Variants in TMEM272 observed in about 807,000 individuals in gnomAD.
TMEM272 encodes long intergenic non-protein coding RNA 282.
Under a neutral mutation model 3.7 loss-of-function variants are expected in TMEM272, and 8 were observed. The ratio of observed to expected loss-of-function variants is 2.17; its 90% CI spans 1.27 to 3.91. TMEM272 has a LOEUF of 3.91. Among genes scored for constraint, TMEM272 ranks in the 30% most tolerant of loss-of-function variants. The pLI is 0.00. For synonymous variants in TMEM272, 63 were observed against 39.8 expected (o/e 1.58, Z -2.20); for missense variants, 166 against 91.5 (o/e 1.81, Z -3.32).
chr13:51,857,505 G>T, the TMEM272 span, among the ~76,000 whole-genome samples: 2 of 152,022 alleles, frequency 1.3e-5, no homozygotes, highest in Admixed American at 1.3e-4. Context: ...AAGGTAGAAG[G>T]GGTATAAGTG....
chr13:51,841,815 A>G (rs190887159), intron 1 of TMEM272, among the ~76,000 whole-genome samples: 3 of 152,304 alleles, frequency 2.0e-5, no homozygotes. Flanking sequence ...TGTTATTTTC[A>G]TAAACTGGCA....
chr13:51,851,790 T>C, the TMEM272 span, among the ~76,000 whole-genome samples: 1 of 152,240 alleles, frequency 6.6e-6, no homozygotes, highest in Non-Finnish European at 1.5e-5. Flanking sequence ...CCCAAAGTGC[T>C]GGGATTACAG....
At chr13:51,914,683 G>A in the TMEM272 span, among the ~76,000 whole-genome samples, 2 of 152,230 alleles carry the variant, frequency 1.3e-5, no homozygotes, top group Admixed American at 6.5e-5. Context: ...GCCATAGAGT[G>A]CATTAGCTGA....
At chr13:51,892,784 G>A in the TMEM272 span, among the ~76,000 whole-genome samples, 1 of 152,042 alleles carries the variant, frequency 6.6e-6, no homozygotes, top group Non-Finnish European at 1.5e-5. Context: ...ACAGTTCCTG[G>A]GTCTGGTGGC....
chr13:51,907,506 G>A, the TMEM272 span, among the ~76,000 whole-genome samples: 1 of 152,140 alleles, frequency 6.6e-6, no homozygotes, highest in Non-Finnish European at 1.5e-5. Flanking sequence ...CCAAGGCCAG[G>A]TACCAGACAA....
At chr13:51,860,473 T>C in the TMEM272 span, among the ~76,000 whole-genome samples, 1 of 151,512 alleles carries the variant, frequency 6.6e-6, no homozygotes, top group Non-Finnish European at 1.5e-5. Flanking sequence ...ACCTTATCTC[T>C]AAAAAAACAC....
the TMEM272 span, among the ~76,000 whole-genome samples, chr13:51,894,875 C>A: frequency 1.9e-3 from 281 of 151,834 alleles, 3 homozygotes; most frequent in Middle Eastern, 0.017. Context: ...TTAGTGGGAG[C>A]CCTGAGCTTG....
the TMEM272 span, among the ~76,000 whole-genome samples, chr13:51,926,611 G>A: frequency 4.6e-5 from 7 of 151,078 alleles, no homozygotes; most frequent in Non-Finnish European, 1.0e-4. Flanking sequence ...ATGGTTGGGG[G>A]TGGGGGGGGT....
chr13:51,884,237 AT>A, the TMEM272 span, among the ~76,000 whole-genome samples: 1 of 134,054 alleles, frequency 7.5e-6, no homozygotes, highest in East Asian at 2.5e-4. Flanking sequence ...GAAATGACCC[AT>A]AACCTGTATT....
At chr13:51,874,603 CACA>C in the TMEM272 span, among the ~76,000 whole-genome samples, 52 of 152,296 alleles carry the variant, frequency 3.4e-4, no homozygotes, top group Non-Finnish European at 5.3e-4. Flanking sequence ...CTTATAACCC[CACA>C]CCCAAATGCA....
At chr13:51,861,730 C>T in the TMEM272 span, among the ~76,000 whole-genome samples, 4 of 152,152 alleles carry the variant, frequency 2.6e-5, no homozygotes, top group Admixed American at 6.5e-5. Context: ...TGATGAAAAA[C>T]GGCATCAAAT....
intron 3 of TMEM272, among the ~76,000 whole-genome samples, chr13:51,824,726 G>A (rs990265940): frequency 1.6e-4 from 24 of 152,374 alleles, no homozygotes; most frequent in Non-Finnish European, 1.6e-4. Context: ...GCCGAGGCGG[G>A]CAGATCACTT....
chr13:51,895,684 C>T, the TMEM272 span, among the ~76,000 whole-genome samples: 1 of 152,226 alleles, frequency 6.6e-6, no homozygotes, highest in East Asian at 1.9e-4. Context: ...ACACCACTGC[C>T]TACATCCCCC....
At chr13:51,909,611 T>C in the TMEM272 span, 2 of 1,299,576 alleles carry the variant, frequency 1.5e-6, no homozygotes, top group African/African-American at 1.5e-5. Context: ...GATAACTGAA[T>C]ATAAATTGGT....
the TMEM272 span, among the ~76,000 whole-genome samples, chr13:51,920,082 G>A: frequency 1.3e-5 from 2 of 152,124 alleles, no homozygotes; most frequent in Admixed American, 1.3e-4. Flanking sequence ...GAATCCAAGA[G>A]GCATTTTAAT....
upstream of TMEM272, among the ~76,000 whole-genome samples, chr13:51,845,357 A>G (rs982216821): frequency 2.0e-5 from 3 of 151,990 alleles, no homozygotes; most frequent in African/African-American, 7.3e-5. Context: ...CGCGGGAAAC[A>G]TTTCATTTCA....
the TMEM272 span, among the ~76,000 whole-genome samples, chr13:51,901,885 C>T: frequency 2.6e-5 from 4 of 152,322 alleles, no homozygotes; most frequent in East Asian, 7.7e-4. Flanking sequence ...TGCAGAAAAT[C>T]CACATAGCTT....
chr13:51,899,176 G>A, the TMEM272 span, among the ~76,000 whole-genome samples: 1 of 152,040 alleles, frequency 6.6e-6, no homozygotes, highest in Non-Finnish European at 1.5e-5. Flanking sequence ...CAGGATATGA[G>A]GTCAATATAT....
At chr13:51,858,371 T>C in the TMEM272 span, among the ~76,000 whole-genome samples, 3 of 152,208 alleles carry the variant, frequency 2.0e-5, no homozygotes, top group Admixed American at 6.5e-5. Context: ...ATTGAAATGA[T>C]TGAAATCAGA....
Sources: gnomAD v4.1 joint callset for allele counts (sites outside exome capture counted in the v4.1 genomes callset) on GRCh38, gnomAD v4.1.1 for gene constraint, MANE v1.5 for transcripts, NCBI Gene and HGNC (gene_info 2026-07-23, HGNC 2026-07-21) for gene names.